PLA2G12A: variants seen among roughly 807,000 people sequenced by gnomAD.
The protein encoded by PLA2G12A is phospholipase A2 group XIIA, also known as group XIIA secretory phospholipase A2.
Under a neutral mutation model 16.0 loss-of-function variants are expected in PLA2G12A, and 11 were observed. That is an observed-to-expected ratio of 0.69 (90% CI 0.43 to 1.13). The LOEUF (loss-of-function observed/expected upper bound fraction) is 1.13. Ranked by LOEUF, PLA2G12A falls within the 50% of genes most tolerant of loss-of-function variation. The pLI is 0.00. For missense variants in PLA2G12A, 214 were observed against 237.3 expected, an observed-to-expected ratio of 0.90 and a Z score of 0.65; for synonymous variants, 77 against 93.8, an observed-to-expected ratio of 0.82 and a Z score of 1.03.
rs112797183 is a variant in PLA2G12A at position 109,715,262 on chromosome 4, G to A, written c.452-767C>T. Among the ~76,000 whole-genome samples, 614 of 152,164 alleles carry A rather than the reference G, an allele frequency of 4.0e-3. 7 individuals carry two copies. The highest frequency in any genetic ancestry group is 0.013 in the African/African-American group (552 of 41,514). On this transcript the variant is annotated intron_variant, in intron 3 of 3. Coordinates refer to ENST00000243501, the MANE Select transcript of PLA2G12A (RefSeq NM_030821.5). The stretch of plus-strand genomic sequence containing the variant: ...TTTTAAGAAAAAATGTTTTATGTGC[G>A]GAAGAAACAAAGTTTAAAAATTGAA...
chr4:109,720,574 C>CAAA (rs61477793), intron 1 of PLA2G12A, among the ~76,000 whole-genome samples: 10 of 37,464 alleles, frequency 2.7e-4, no homozygotes, highest in African/African-American at 4.9e-4. Flanking sequence ...TGTCTGTATT[C>CAAA]AAAAAAAAAA....
At chr4:109,727,571 T>G (rs1722966986) in intron 1 of PLA2G12A, among the ~76,000 whole-genome samples, 1 of 152,182 alleles carries the variant, frequency 6.6e-6, no homozygotes, top group Admixed American at 6.5e-5. Flanking sequence ...TGTTTTTTTG[T>G]GCCAGAGACC....
intron 1 of PLA2G12A, among the ~76,000 whole-genome samples, chr4:109,721,209 A>G (rs1026886558): frequency 6.6e-6 from 1 of 152,176 alleles, no homozygotes; most frequent in African/African-American, 2.4e-5. Flanking sequence ...CCCTGTCCAT[A>G]AGGAAGGGTT....
chr4:109,724,228 C>T (rs1456950577), intron 1 of PLA2G12A, among the ~76,000 whole-genome samples: 2 of 152,260 alleles, frequency 1.3e-5, no homozygotes, highest in Admixed American at 6.5e-5. Flanking sequence ...TGGGTTCAAG[C>T]GATTCTTCTG....
Position 109,730,003 on chromosome 4 carries a change from CG to C in PLA2G12A, c.-195del. On this transcript the variant is annotated 5_prime_UTR_variant, in exon 1 of 4. Transcript: ENST00000243501. ...AACCGCCTCGGGCAGGCAGCGCCGT[CG>C]CGGGGACGCGCCCGCTCACCTGGAC... 9.5e-6 allele frequency: 5 copies of C among 527,802 alleles called. No homozygotes were observed. The highest frequency in any genetic ancestry group is 1.3e-5 in the Non-Finnish European group (4 of 307,202). 32.7% of individuals were successfully genotyped at this position (527,802 alleles called of 1,614,324 possible). A position where few individuals can be genotyped will look rare whatever the true frequency, so the allele number is the denominator to read the frequency against.
chr4:109,729,995 AGCGCCGTCGCGGGGAC>A lies in PLA2G12A; in HGVS notation c.-202_-187del. 1.8e-6 allele frequency: 1 copy of A among 542,112 alleles called. No individual in the cohort carries two copies. Among genetic ancestry groups the A allele is most frequent in the Non-Finnish European group, 3.1e-6 (1 of 319,086 alleles). The allele number at this position is 542,112 out of a possible 1,614,324, so 33.6% of individuals were successfully genotyped here. A position where few individuals can be genotyped will look rare whatever the true frequency, so the allele number is the denominator to read the frequency against. ...TTTACGTGAACCGCCTCGGGCAGGC[AGCGCCGTCGCGGGGAC>A]GCGCCCGCTCACCTGGACCAGCGCG... On this transcript the variant is annotated 5_prime_UTR_variant, in exon 1 of 4. Coordinates refer to ENST00000243501, the MANE Select transcript of PLA2G12A (RefSeq NM_030821.5).
At position 109,729,757 on chromosome 4, in the gene PLA2G12A, G is replaced by A. The variant is rs1260273782; in HGVS notation, c.53C>T (p.Ala18Val). 1.9e-6 allele frequency: 3 copies of A among 1,580,682 alleles called. No individual in the cohort carries two copies. Among genetic ancestry groups the A allele is most frequent in the Non-Finnish European group, 2.6e-6 (3 of 1,164,260 alleles). ...ALTLLLLLMA[A>V]VVRCQEQAQT... ...GGCCTGCTCCTGGCACCTGACAACAGCGGCCATGAGGAGGAGCAGGAGGGT... is the reference window on the plus strand; with the variant it reads ...GGCCTGCTCCTGGCACCTGACAACAACGGCCATGAGGAGGAGCAGGAGGGT... The change falls in exon 1 of 4, where the codon GCT becomes GTT. Residue 18 changes from alanine to valine, a missense_variant. By Grantham distance (64) the Ala-to-Val change is moderately conservative (BLOSUM62 0). Transcript: ENST00000243501.
chr4:109,718,654 A>G (rs974229297), intron 2 of PLA2G12A, 29 bp downstream of exon 2: 34 of 1,506,636 alleles, frequency 2.3e-5, no homozygotes, highest in Non-Finnish European at 3.1e-5. Context: ...ACCAGTTACA[A>G]AACTTATCAA....
At chr4:109,723,815 T>A (rs759548208) in intron 1 of PLA2G12A, among the ~76,000 whole-genome samples, 25 of 152,200 alleles carry the variant, frequency 1.6e-4, no homozygotes, top group Non-Finnish European at 3.2e-4. Flanking sequence ...GAAACAGGAA[T>A]AATAGTGTAT....
chr4:109,717,526 C>G, intron 3 of PLA2G12A, 22 bp downstream of exon 3: 1 of 1,606,848 alleles, frequency 6.2e-7, no homozygotes, highest in South Asian at 1.1e-5. Context: ...CACTCATCCC[C>G]AAGCCACCAG....
At chr4:109,718,011 T>TA (rs1195312639) in intron 2 of PLA2G12A, among the ~76,000 whole-genome samples, 4 of 152,278 alleles carry the variant, frequency 2.6e-5, no homozygotes, top group Admixed American at 1.3e-4. Flanking sequence ...ACATAAGTTT[T>TA]AAAAAAAGAA....
intron 1 of PLA2G12A, among the ~76,000 whole-genome samples, chr4:109,722,797 T>C (rs1402004098): frequency 1.3e-5 from 2 of 152,212 alleles, no homozygotes; most frequent in Non-Finnish European, 2.9e-5. Context: ...TTTTATTATG[T>C]CTCCCCATCC....
intron 1 of PLA2G12A, among the ~76,000 whole-genome samples, chr4:109,726,930 TC>T (rs1225553116): frequency 9.6e-5 from 11 of 114,324 alleles, no homozygotes; most frequent in Non-Finnish European, 1.5e-4. Context: ...ATTAACTCAC[TC>T]TTTTTTTTTT....
chr4:109,711,477 G>A lies in PLA2G12A; in HGVS notation c.*2900C>T, dbSNP rs1014644091. On this transcript the variant is annotated 3_prime_UTR_variant, in exon 4 of 4. Coordinates refer to ENST00000243501, the MANE Select transcript of PLA2G12A (RefSeq NM_030821.5). Reference sequence around the variant, plus strand: ...AGAAGTGCTCAAAAATCAAAAGGATGGGCACATCAAAGGGACATAGTAGCC... The same window carrying A: ...AGAAGTGCTCAAAAATCAAAAGGATAGGCACATCAAAGGGACATAGTAGCC... The A allele has an allele frequency of 2.0e-5, 3 of 152,110 alleles. No individual in the cohort carries two copies. The highest frequency in any genetic ancestry group is 7.2e-5 in the African/African-American group (3 of 41,434). The allele number at this position is 152,110 out of a possible 1,614,324, so 9.4% of individuals were successfully genotyped here.
At position 109,712,767 on chromosome 4, in the gene PLA2G12A, A is replaced by G. The variant is rs1019244821; in HGVS notation, c.*1610T>C. 2 of 152,304 alleles carry G rather than the reference A, an allele frequency of 1.3e-5. No homozygotes were observed. The highest frequency in any genetic ancestry group is 1.3e-4 in the Admixed American group (2 of 15,304). The allele number at this position is 152,304 out of a possible 1,614,324, so 9.4% of individuals were successfully genotyped here. A position where few individuals can be genotyped will look rare whatever the true frequency, so the allele number is the denominator to read the frequency against. ...CGCCTCAGCCTCCCAAAGTGCTGGG[A>G]TTATAGGTGTGAGCCACTGTGCCCA... On this transcript the variant is annotated 3_prime_UTR_variant, in exon 4 of 4. Transcript: ENST00000243501.
chr4:109,722,776 TA>T (rs1326741784), intron 1 of PLA2G12A, among the ~76,000 whole-genome samples: 1 of 152,248 alleles, frequency 6.6e-6, no homozygotes, highest in African/African-American at 2.4e-5. Context: ...ACTATATCAC[TA>T]ATCTACCTAT....
chr4:109,711,987 CT>C lies in PLA2G12A; in HGVS notation c.*2389del, dbSNP rs768513646. 3.9e-5 allele frequency: 6 copies of C among 152,422 alleles called. No individual in the cohort carries two copies. The highest frequency in any genetic ancestry group is 7.4e-5 in the Non-Finnish European group (5 of 68,022). 9.4% of individuals were successfully genotyped at this position (152,422 alleles called of 1,614,324 possible). On this transcript the variant is annotated 3_prime_UTR_variant, in exon 4 of 4. Transcript: ENST00000243501. ...AATTGAGGAATATTCTACAAAACACCTGACCAGTACTCCTCAAAACTGTCAA... is the reference window on the plus strand; with the variant it reads ...AATTGAGGAATATTCTACAAAACACCGACCAGTACTCCTCAAAACTGTCAA...
At position 109,710,505 on chromosome 4, in the gene PLA2G12A, G is replaced by A. The variant is rs192021480; in HGVS notation, c.*3872C>T. The A allele has an allele frequency of 3.6e-4, 55 of 152,174 alleles. No homozygotes were observed. Among genetic ancestry groups the A allele is most frequent in the African/African-American group, 1.3e-3 (54 of 41,502 alleles). The allele number at this position is 152,174 out of a possible 1,614,324, so 9.4% of individuals were successfully genotyped here. Reference sequence around the variant, plus strand: ...TTCCAAGACAGAGTCTTATTCTGACGCCTATGCTGGAGTGCAGCAGTGCAA... The same window carrying A: ...TTCCAAGACAGAGTCTTATTCTGACACCTATGCTGGAGTGCAGCAGTGCAA... On this transcript the variant is annotated 3_prime_UTR_variant, in exon 4 of 4. Transcript: ENST00000243501.
At chr4:109,715,516 C>T (rs926539581) in intron 3 of PLA2G12A, among the ~76,000 whole-genome samples, 3 of 152,034 alleles carry the variant, frequency 2.0e-5, no homozygotes, top group African/African-American at 2.4e-5. Context: ...GGTCTCACCT[C>T]ACTCTGTCAC....
Sources: allele counts gnomAD v4.1 joint callset (sites outside exome capture counted in the v4.1 genomes callset), GRCh38; gene constraint gnomAD v4.1.1; transcripts MANE v1.5; gene names NCBI Gene and HGNC (gene_info 2026-07-23, HGNC 2026-07-21).